GRIP1: variants seen among roughly 807,000 people sequenced by gnomAD.
The protein encoded by GRIP1 is glutamate receptor interacting protein 1.
In GRIP1, 45 loss-of-function variants were observed where a neutral mutation model predicts 129.9. That is an observed-to-expected ratio of 0.35 (90% CI 0.27 to 0.44). The LOEUF (loss-of-function observed/expected upper bound fraction) is 0.44, where lower values mean the gene tolerates loss of function less well. Among genes scored for constraint, GRIP1 ranks in the 20% least tolerant of loss-of-function variants. The pLI, the probability that GRIP1 is intolerant of heterozygous loss-of-function variation, is 1.00. For synonymous variants in GRIP1, 530 were observed against 520.8 expected, an observed-to-expected ratio of 1.02 and a Z score of -0.24; for missense variants, 1,196 against 1,396.8, an observed-to-expected ratio of 0.86 and a Z score of 2.29.
intron 1 of GRIP1, among the ~76,000 whole-genome samples, chr12:67,044,495 G>A (rs942442150): frequency 1.3e-5 from 2 of 152,166 alleles, no homozygotes; most frequent in African/African-American, 4.8e-5. Context: ...ATTTTTCTAA[G>A]TGGCTGTACA....
intron 7 of GRIP1, among the ~76,000 whole-genome samples, chr12:66,497,664 C>G (rs1406460557): frequency 6.6e-6 from 1 of 152,120 alleles, no homozygotes; most frequent in Non-Finnish European, 1.5e-5. Flanking sequence ...GAGGTGACTA[C>G]AGTTCCTTGG....
At chr12:66,647,206 T>C (rs2032440794) in intron 1 of GRIP1, 1 of 152,224 alleles carries the variant, frequency 6.6e-6, no homozygotes, top group South Asian at 2.1e-4. Flanking sequence ...TCTGCCAAAA[T>C]TGGGTGCCGA....
At chr12:66,557,600 G>C (rs188953063) in intron 2 of GRIP1, among the ~76,000 whole-genome samples, 10 of 152,232 alleles carry the variant, frequency 6.6e-5, no homozygotes, top group African/African-American at 2.4e-4. Flanking sequence ...CAAAAAATTT[G>C]AAATGGTGTC....
chr12:66,413,044 GATC>G (rs1267071559), intron 15 of GRIP1, among the ~76,000 whole-genome samples: 1 of 152,156 alleles, frequency 6.6e-6, no homozygotes, highest in Non-Finnish European at 1.5e-5. Flanking sequence ...ATATTAGACA[GATC>G]ATCGAGACAG....
At chr12:66,982,592 C>T (rs912513129) in intron 1 of GRIP1, among the ~76,000 whole-genome samples, 2 of 152,168 alleles carry the variant, frequency 1.3e-5, no homozygotes, top group Non-Finnish European at 2.9e-5. Flanking sequence ...AAATGGGGAA[C>T]TTTACCCAAC....
At chr12:67,038,918 T>C (rs2043136796) in intron 1 of GRIP1, among the ~76,000 whole-genome samples, 1 of 152,090 alleles carries the variant, frequency 6.6e-6, no homozygotes, top group South Asian at 2.1e-4. Context: ...ACTATACACA[T>C]GCCCTAAAGT....
intron 23 of GRIP1, among the ~76,000 whole-genome samples, chr12:66,363,592 A>G (rs1427588519): frequency 6.6e-6 from 1 of 151,820 alleles, no homozygotes; most frequent in Non-Finnish European, 1.5e-5. Flanking sequence ...TCCTGTTATC[A>G]TTCCTTGCTA....
chr12:66,808,292 G>GTTTTTTGT (rs1425909387), upstream of GRIP1, among the ~76,000 whole-genome samples: 1 of 151,952 alleles, frequency 6.6e-6, no homozygotes, highest in African/African-American at 2.4e-5. Flanking sequence ...TTTGTTCTTG[G>GTTTTTTGT]TTTTTTGTTT....
rs1565752142 is a variant in GRIP1 at position 66,451,421 on chromosome 12, T to TTTTTTTTTTTTTTTTTTTTTC, written c.1354+3987_1354+3988insGAAAAAAAAAAAAAAAAAAAA. ...TTTTTTTTTTTTTTTTTTTTTTTTTTCAGATAGGCTCTCACTCTGTTGCCC... is the reference window on the plus strand; with the variant it reads ...TTTTTTTTTTTTTTTTTTTTTTTTTTTTTTTTTTTTTTTTTTTTTTCCAGATAGGCTCTCACTCTGTTGCCC... On this transcript the variant is annotated intron_variant, in intron 11 of 24. Coordinates refer to ENST00000359742, the MANE Select transcript of GRIP1 (RefSeq NM_001366722.1). Among the ~76,000 whole-genome samples the TTTTTTTTTTTTTTTTTTTTTC allele has an allele frequency of 1.7e-5, 2 of 115,558 alleles. 1 individual carries two copies. Among genetic ancestry groups the TTTTTTTTTTTTTTTTTTTTTC allele is most frequent in the African/African-American group, 7.2e-5 (2 of 27,866 alleles). The allele number at this position is 115,558 out of a possible 152,430, so 75.8% of individuals were successfully genotyped here. A position where few individuals can be genotyped will look rare whatever the true frequency, so the allele number is the denominator to read the frequency against.
intron 7 of GRIP1, among the ~76,000 whole-genome samples, chr12:66,488,273 G>T (rs1377228312): frequency 1.3e-5 from 2 of 151,710 alleles, no homozygotes; most frequent in Non-Finnish European, 3.0e-5. Context: ...AATCATAACA[G>T]TCTCTCAGAC....
chr12:66,734,680 AG>A (rs2036540792), intron 1 of GRIP1, among the ~76,000 whole-genome samples: 1 of 152,218 alleles, frequency 6.6e-6, no homozygotes, highest in African/African-American at 2.4e-5. Context: ...GAATTAGATC[AG>A]TGTGGGAAGA....
At chr12:66,865,028 T>C (rs571917916) in intron 1 of GRIP1, among the ~76,000 whole-genome samples, 3 of 152,256 alleles carry the variant, frequency 2.0e-5, no homozygotes, top group South Asian at 2.1e-4. Flanking sequence ...CCCAGACCTA[T>C]AGTTAATTTT....
At chr12:66,982,820 A>T (rs936901174) in intron 1 of GRIP1, among the ~76,000 whole-genome samples, 3 of 152,194 alleles carry the variant, frequency 2.0e-5, no homozygotes, top group Non-Finnish European at 2.9e-5. Context: ...AGGAACTTTT[A>T]AATAATAAAT....
intron 1 of GRIP1, among the ~76,000 whole-genome samples, chr12:66,740,673 A>C (rs1175713528): frequency 6.6e-6 from 1 of 152,236 alleles, no homozygotes; most frequent in Admixed American, 6.5e-5. Context: ...AGAGCAGTTA[A>C]TATTTATGGA....
At chr12:66,823,073 G>C (rs1270880546) in intron 1 of GRIP1, among the ~76,000 whole-genome samples, 1 of 152,164 alleles carries the variant, frequency 6.6e-6, no homozygotes, top group Non-Finnish European at 1.5e-5. Context: ...CTAGTAATTA[G>C]TTCCAGCAAA....
At chr12:66,775,806 C>T (rs970779685) in intron 1 of GRIP1, among the ~76,000 whole-genome samples, 1 of 152,074 alleles carries the variant, frequency 6.6e-6, no homozygotes, top group Non-Finnish European at 1.5e-5. Flanking sequence ...CTGTGATATA[C>T]TGATAGGTGT....
At chr12:66,748,399 T>C (rs1592804907) in intron 1 of GRIP1, among the ~76,000 whole-genome samples, 1 of 152,342 alleles carries the variant, frequency 6.6e-6, no homozygotes, top group Non-Finnish European at 1.5e-5. Flanking sequence ...AGAAGTCATA[T>C]TTAACTCTCT....
intron 9 of GRIP1, among the ~76,000 whole-genome samples, chr12:66,461,137 A>G (rs188823670): frequency 3.0e-4 from 46 of 152,364 alleles, no homozygotes; most frequent in Non-Finnish European, 6.2e-4. Flanking sequence ...TGTATAAATT[A>G]AACTCAAATT....
intron 1 of GRIP1, among the ~76,000 whole-genome samples, chr12:66,664,213 A>C (rs2033669960): frequency 6.6e-6 from 1 of 152,180 alleles, no homozygotes; most frequent in South Asian, 2.1e-4. Flanking sequence ...GTTGGGAAAC[A>C]CTGAGCTAGA....
Sources: allele counts gnomAD v4.1 joint callset (sites outside exome capture counted in the v4.1 genomes callset), GRCh38; gene constraint gnomAD v4.1.1; transcripts MANE v1.5; gene names NCBI Gene and HGNC (gene_info 2026-07-23, HGNC 2026-07-21).